The following GLB1L3 variants were observed in gnomAD, a reference collection of about 807,000 sequenced individuals.
GLB1L3 encodes the protein beta-galactosidase-1-like protein 3.
Under a neutral mutation model 89.5 loss-of-function variants are expected in GLB1L3, and 89 were observed. The observed-to-expected ratio is 0.99, with a 90% CI of 0.84 to 1.19. The LOEUF is 1.19. Among genes scored for constraint, GLB1L3 ranks in the 50% most tolerant of loss-of-function variants. The pLI is 0.00. For synonymous variants in GLB1L3, 314 were observed against 312.3 expected (o/e 1.01, Z -0.06); for missense variants, 812 against 813.3 (o/e 1.00, Z 0.02).
intron 17 of GLB1L3, 111 bp downstream of exon 17, chr11:134,314,139 A>G: frequency 7.2e-6 from 6 of 828,082 alleles, no homozygotes; most frequent in South Asian, 5.9e-5. Context: ...GATGTACTCC[A>G]GGCTGTTGGG....
In GLB1L3 at chr11:134,277,694, C is replaced by G. The variant is rs756762614; in HGVS notation, c.150-6C>G. ...CCACTTTCTTTCCCTCGCCCGCCCC[C>G]TCCAGGTTTAATTGGTCTCATCTGA... On this transcript the variant is annotated splice_polypyrimidine_tract_variant and splice_region_variant and intron_variant, in intron 2 of 19. Transcript: ENST00000431683. 1.9e-6 allele frequency: 3 copies of G among 1,601,422 alleles called. No individual in the cohort carries two copies. The highest frequency in any genetic ancestry group is 2.6e-6 in the Non-Finnish European group (3 of 1,173,664).
intron 9 of GLB1L3, among the ~76,000 whole-genome samples, chr11:134,294,470 G>A (rs374948979): frequency 3.3e-5 from 5 of 152,206 alleles, no homozygotes; most frequent in Admixed American, 1.3e-4. Flanking sequence ...CCTTTGCTAA[G>A]TCTTCTTCCT....
At chr11:134,302,112 T>G (rs944114057) in intron 9 of GLB1L3, among the ~76,000 whole-genome samples, 3 of 152,166 alleles carry the variant, frequency 2.0e-5, no homozygotes, top group African/African-American at 7.2e-5. Context: ...ACCCCATCAG[T>G]CTTTCATAGT....
chr11:134,314,297 T>C (rs2136229502), intron 17 of GLB1L3, 33 bp from the exon 18 acceptor site: 1 of 1,442,700 alleles, frequency 6.9e-7, no homozygotes, highest in East Asian at 2.5e-5. Context: ...GGAAGGGGAC[T>C]TCTTCTCCCC....
intron 13 of GLB1L3, 60 bp downstream of exon 13, chr11:134,311,230 C>T (rs1222578702): frequency 3.3e-6 from 4 of 1,204,214 alleles, no homozygotes; most frequent in East Asian, 2.3e-5. Flanking sequence ...GGAGGGATTC[C>T]TTCAGGAAAC....
chr11:134,309,367 A>G (rs1942604273), intron 10 of GLB1L3, among the ~76,000 whole-genome samples: 1 of 152,234 alleles, frequency 6.6e-6, no homozygotes, highest in African/African-American at 2.4e-5. Flanking sequence ...CTTGGAAACT[A>G]AACAAAATGA....
chr11:134,291,812 T>A (rs987712962), intron 7 of GLB1L3, among the ~76,000 whole-genome samples: 3 of 151,850 alleles, frequency 2.0e-5, no homozygotes, highest in Admixed American at 2.0e-4. Context: ...CCGTTTCTAC[T>A]AAAGAAAAAA....
chr11:134,292,388 G>A, intron 8 of GLB1L3, 175 bp downstream of exon 8: 1 of 544,906 alleles, frequency 1.8e-6, no homozygotes, highest in Non-Finnish European at 3.3e-6. Flanking sequence ...TAAGGCTCAG[G>A]GCCACTCACA....
downstream of GLB1L3, among the ~76,000 whole-genome samples, chr11:134,324,409 A>G (rs1405808588): frequency 6.6e-6 from 1 of 152,208 alleles, no homozygotes; most frequent in Non-Finnish European, 1.5e-5. Flanking sequence ...TGGCAGCCAA[A>G]AAACTACTAA....
In GLB1L3 at chr11:134,313,448, C is replaced by A. The variant is rs757960900; in HGVS notation, c.1553C>A (p.Ser518Ter). ...LVENQGRVNF[S>*]WQIQNEQKGI... ...GAGAATCAAGGACGAGTCAATTTTT[C>A]ATGGCAAATACAGAATGAGCAGAAA... Residue 518 changes from serine to a stop codon, truncating the protein, a stop_gained, in exon 16 of 20, where the codon TCA (serine) becomes TAA (stop). Coordinates refer to ENST00000431683, the MANE Select transcript of GLB1L3 (RefSeq NM_001080407.3). LOFTEE classifies it high-confidence loss of function. The A allele has an allele frequency of 1.3e-6, 2 of 1,582,954 alleles. No homozygotes were observed. Among genetic ancestry groups the A allele is most frequent in the African/African-American group, 2.7e-5 (2 of 74,408 alleles).
chr11:134,313,133 C>T (rs1942824901), intron 15 of GLB1L3, among the ~76,000 whole-genome samples: 1 of 152,186 alleles, frequency 6.6e-6, no homozygotes, highest in African/African-American at 2.4e-5. Context: ...TGTCCTCAGC[C>T]CCTGGTTGGG....
At position 134,311,129 on chromosome 11, in the gene GLB1L3, C is replaced by T. The variant is rs200507020; in HGVS notation, c.1246C>T (p.Leu416=). ...TGTGTATCCCCCCGTGAGACCGTCG[C>T]TGTACCTCCCGCTGTGGGACGCCCT... is the stretch of plus-strand genomic sequence containing the variant. ...KAVYPPVRPS[L]YLPLWDALSY... Residue 416 remains leucine, a synonymous_variant, in exon 13 of 20, where the codon CTG becomes TTG. Coordinates refer to ENST00000431683, the MANE Select transcript of GLB1L3 (RefSeq NM_001080407.3). 1 of 1,613,918 alleles carries T rather than the reference C, an allele frequency of 6.2e-7. No individual in the cohort carries two copies. The highest frequency in any genetic ancestry group is 8.5e-7 in the Non-Finnish European group (1 of 1,179,838).
chr11:134,300,977 C>A (rs1355053458), intron 9 of GLB1L3, among the ~76,000 whole-genome samples: 3 of 152,230 alleles, frequency 2.0e-5, no homozygotes, highest in African/African-American at 4.8e-5. Flanking sequence ...CGAATCTCCC[C>A]TCAGAACAGC....
chr11:134,289,104 C>T, intron 7 of GLB1L3: 1 of 468,184 alleles, frequency 2.1e-6, no homozygotes, highest in Non-Finnish European at 3.8e-6. Context: ...TAATAGTCTA[C>T]TGTTGACTGG....
intron 10 of GLB1L3, among the ~76,000 whole-genome samples, chr11:134,308,571 CCA>C (rs1942522501): frequency 8.1e-6 from 1 of 122,700 alleles, no homozygotes; most frequent in Non-Finnish European, 1.7e-5. Flanking sequence ...ACCACCACCA[CCA>C]TCACCATCAC....
chr11:134,292,426 G>A (rs889015540), intron 8 of GLB1L3: 24 of 474,952 alleles, frequency 5.1e-5, no homozygotes, highest in South Asian at 3.3e-4. Flanking sequence ...TGCTCCTGCC[G>A]TCTTTAAACA....
rs192611196 is a variant in GLB1L3 at position 134,299,269 on chromosome 11, C to G, written c.876+6060C>G. ...TATTAATCATAGTTATTTTGAATTC[C>G]TTGTGAGATAGTTACAACATCTGTG... On this transcript the variant is annotated intron_variant, in intron 9 of 19. Coordinates refer to ENST00000431683, the MANE Select transcript of GLB1L3 (RefSeq NM_001080407.3). 3.4e-4 allele frequency among the ~76,000 whole-genome samples: 51 copies of G among 151,976 alleles called. No individual in the cohort carries two copies. In the East Asian group the frequency reaches 7.3e-3, roughly 22 times the overall value.
chr11:134,290,585 AAAAGAAAAG>A (rs1941303187), intron 7 of GLB1L3, among the ~76,000 whole-genome samples: 2 of 138,074 alleles, frequency 1.4e-5, no homozygotes, highest in Non-Finnish European at 3.1e-5. Context: ...CCGCCAAAAA[AAAAGAAAAG>A]AAAAAAAAAG....
At chr11:134,299,882 C>A (rs1236557821) in intron 9 of GLB1L3, among the ~76,000 whole-genome samples, 1 of 152,110 alleles carries the variant, frequency 6.6e-6, no homozygotes, top group East Asian at 1.9e-4. Flanking sequence ...ATAGTGCATC[C>A]CCTGCCCCTT....
Sources: gnomAD v4.1 joint callset for allele counts (sites outside exome capture counted in the v4.1 genomes callset) on GRCh38, gnomAD v4.1.1 for gene constraint, MANE v1.5 for transcripts, NCBI Gene and HGNC (gene_info 2026-07-23, HGNC 2026-07-21) for gene names.